The following PPP1R3F variants were observed in gnomAD, a reference collection of about 807,000 sequenced individuals.
PPP1R3F encodes the protein protein phosphatase 1, regulatory (inhibitor) subunit 3F.
A neutral mutation model predicts 24.2 loss-of-function variants in PPP1R3F; 29 were observed. The ratio of observed to expected loss-of-function variants is 1.20; its 90% CI spans 0.89 to 1.63. The LOEUF is 1.63. Among genes scored for constraint, PPP1R3F ranks in the 40% most tolerant of loss-of-function variants. The pLI is 0.00. For synonymous variants in PPP1R3F, 363 were observed against 340.1 expected (o/e 1.07, Z -0.74); for missense variants, 823 against 729.3 (o/e 1.13, Z -1.48).
downstream of PPP1R3F, among the ~76,000 whole-genome samples, chrX:49,291,469 A>G (rs2066308929): frequency 9.2e-6 from 1 of 108,191 alleles, no homozygotes; most frequent in Non-Finnish European, 1.9e-5. Context: ...CTAGGATTAC[A>G]GGCATGCACC....
chrX:49,294,411 G>A (rs982889787), intron 3 of PPP1R3F, among the ~76,000 whole-genome samples: 1 of 108,351 alleles, frequency 9.2e-6, no homozygotes, highest in Non-Finnish European at 1.9e-5. Flanking sequence ...TTGTAGAGAT[G>A]GGGTTTCGCC....
At chrX:49,289,758 T>G (rs1481301934), downstream of PPP1R3F, among the ~76,000 whole-genome samples, 1 of 111,146 alleles carries the variant, frequency 9.0e-6, no homozygotes, top group Non-Finnish European at 1.9e-5. Flanking sequence ...GATGTGCAAT[T>G]TATTCATCAT....
At chrX:49,277,260 C>G (rs782386958) in intron 1 of PPP1R3F, among the ~76,000 whole-genome samples, 2 of 112,792 alleles carry the variant, frequency 1.8e-5, no homozygotes, top group Non-Finnish European at 3.7e-5. Context: ...TCCTCGGGGC[C>G]TATCAGCTTG....
intron 1 of PPP1R3F, among the ~76,000 whole-genome samples, chrX:49,277,244 C>G (rs5953282): frequency 8.9e-6 from 1 of 112,907 alleles, no homozygotes; most frequent in Non-Finnish European, 1.9e-5. Flanking sequence ...TCCTCACCCT[C>G]TGGTCTCCTC....
chrX:49,270,118 C>T lies in PPP1R3F; in HGVS notation c.249C>T (p.Asp83=). The change falls in exon 1 of 4, where the codon GAC becomes GAT. Residue 83 remains aspartate (D), a synonymous_variant. Transcript: ENST00000055335. The part of the protein sequence containing the change: ...GGGGGGADED[D]DGEDGDEGEE... ...GCGGCGGCGGGGCCGACGAGGACGA[C>T]GATGGCGAGGATGGGGATGAAGGGG... is the stretch of plus-strand genomic sequence containing the variant. 2.9e-6 allele frequency: 3 copies of T among 1,041,297 alleles called. No individual in the cohort carries two copies. Among genetic ancestry groups the T allele is most frequent in the Non-Finnish European group, 2.5e-6 (2 of 815,910 alleles). The allele number at this position is 1,041,297 out of a possible 1,213,427, so 85.8% of individuals were successfully genotyped here.
At chrX:49,283,007 T>G (rs782660157) in intron 3 of PPP1R3F, among the ~76,000 whole-genome samples, 31 of 102,172 alleles carry the variant, frequency 3.0e-4, no homozygotes, top group East Asian at 2.8e-3. Flanking sequence ...TTTTGGAGGG[T>G]GTGTGTGTGT....
downstream of PPP1R3F, among the ~76,000 whole-genome samples, chrX:49,291,288 T>TTCTCTCTCTCTC (rs781932322): frequency 0.014 from 687 of 50,586 alleles, 26 homozygotes; most frequent in African/African-American, 0.039. Context: ...CAGCCTACTT[T>TTCTCTCTCTCTC]TCTCTCTCTC....
In PPP1R3F at chrX:49,299,858, C is replaced by T. The variant is rs111604192; in HGVS notation, c.393-1493C>T. Among the ~76,000 whole-genome samples the T allele has an allele frequency of 3.4e-3, 381 of 111,797 alleles. 2 individuals are homozygous for T. The highest frequency in any genetic ancestry group is 0.012 in the African/African-American group (359 of 30,740). Reference sequence around the variant, plus strand: ...GCCTCAGTAATGACAAACGCCCCTCCCCCCACCAAGCTTGAGCATCCCAGG... The same window carrying T: ...GCCTCAGTAATGACAAACGCCCCTCTCCCCACCAAGCTTGAGCATCCCAGG... On this transcript the variant is annotated intron_variant, in intron 3 of 3. Coordinates refer to the PPP1R3F transcript ENST00000471261.
chrX:49,269,953 C>A lies in PPP1R3F; in HGVS notation c.84C>A (p.Val28=). 1 of 905,855 alleles carries A rather than the reference C, an allele frequency of 1.1e-6. No individual in the cohort carries two copies. The highest frequency in any genetic ancestry group is 5.8e-5 in the South Asian group (1 of 17,219). The allele number at this position is 905,855 out of a possible 1,213,427, so 74.7% of individuals were successfully genotyped here. A position where few individuals can be genotyped will look rare whatever the true frequency, so the allele number is the denominator to read the frequency against. The change falls in exon 1 of 4, where the codon GTC becomes GTA. Residue 28 remains valine, a synonymous_variant. Transcript: ENST00000055335. ...CCGCGGGTGAGCCCCGCACCTCGGT[C>A]GAGGCGGCGGTGGCCCCGCGGAGGG... ...SPAAGEPRTS[V]EAAVAPRRVL...
intron 3 of PPP1R3F, among the ~76,000 whole-genome samples, chrX:49,282,359 G>C (rs1557120815): frequency 9.0e-6 from 1 of 110,865 alleles, no homozygotes; most frequent in East Asian, 2.8e-4. Flanking sequence ...GGTGAGACAT[G>C]ATAAAGTAAT....
rs199905805 is a variant in PPP1R3F, at chrX:49,286,761, A to G, written c.2071A>G (p.Lys691Glu). 1.5e-5 allele frequency: 18 copies of G among 1,201,716 alleles called. No individual in the cohort carries two copies. Among genetic ancestry groups the G allele is most frequent in the Non-Finnish European group, 2.0e-5 (18 of 890,425 alleles). ...AGGCAGCTTGGATCCCATATCTGGC[A>G]AGGAGCCAGCCTCTCCCGTCCTTCT... ...WAGSLDPISG[K>E]EPASPVLLQG... The change falls in exon 4 of 4, where the codon AAG becomes GAG. Residue 691 changes from lysine (K) to glutamate (E), a missense_variant. Physicochemically the swap from Lys to Glu is moderately conservative, Grantham distance 56 (BLOSUM62 1). Transcript: ENST00000055335.
chrX:49,290,925 G>T (rs2066306462), downstream of PPP1R3F, among the ~76,000 whole-genome samples: 1 of 111,587 alleles, frequency 9.0e-6, no homozygotes, highest in African/African-American at 3.3e-5. Flanking sequence ...TCACTGTTAT[G>T]CCCCCACCCT....
chrX:49,284,698 A>G (rs782283993), intron 3 of PPP1R3F, among the ~76,000 whole-genome samples: 4 of 109,899 alleles, frequency 3.6e-5, no homozygotes, highest in Non-Finnish European at 7.6e-5. Flanking sequence ...TTTTGCAGAG[A>G]TGGGGTTTCA....
At chrX:49,288,726 C>A (rs1023324849), downstream of PPP1R3F, among the ~76,000 whole-genome samples, 73 of 112,256 alleles carry the variant, frequency 6.5e-4, 1 homozygote, top group African/African-American at 1.9e-3. Flanking sequence ...ATAAATAGAA[C>A]AATTGGTTAC....
chrX:49,290,623 C>T (rs2066305778), downstream of PPP1R3F, among the ~76,000 whole-genome samples: 2 of 111,560 alleles, frequency 1.8e-5, no homozygotes, highest in African/African-American at 6.5e-5. Context: ...TGCCCTCCTC[C>T]TGAGCCCATG....
intron 1 of PPP1R3F, chrX:49,272,933 T>A (rs1557119542): frequency 9.3e-6 from 1 of 107,768 alleles, no homozygotes; most frequent in East Asian, 2.9e-4. Context: ...TTTTTTCTAT[T>A]TTTTTTTTTT....
In PPP1R3F at chrX:49,287,782, G is replaced by T. The variant is rs2066296877; in HGVS notation, c.*692G>T. On this transcript the variant is annotated 3_prime_UTR_variant, in exon 4 of 4. Coordinates refer to ENST00000055335, the MANE Select transcript of PPP1R3F (RefSeq NM_033215.5). ...CAGGGAGGAAGAGTGGCAGCCACAT[G>T]AGGGTTTGGTGTCAGTCACATGGTT... 8.9e-6 allele frequency: 1 copy of T among 111,877 alleles called. No homozygotes were observed. The highest frequency in any genetic ancestry group is 1.9e-5 in the Non-Finnish European group (1 of 53,268). 9.2% of individuals were successfully genotyped at this position (111,877 alleles called of 1,213,427 possible). A position where few individuals can be genotyped will look rare whatever the true frequency, so the allele number is the denominator to read the frequency against.
rs1557121376 is a variant in PPP1R3F, at chrX:49,285,976, C to T, written c.1286C>T (p.Ser429Phe). The T allele has an allele frequency of 8.3e-7, 1 of 1,200,520 alleles. No individual in the cohort carries two copies. Among genetic ancestry groups the T allele is most frequent in the Admixed American group, 2.2e-5 (1 of 45,005 alleles). ...TCCCCTCTCTGTGGCCTGGGTGGCT[C>T]CCCCAGAGACCAGGCCTCAGGGCCC... ...PSSPLCGLGGSPRDQASGPDA... is the reference protein window; with the variant it reads ...PSSPLCGLGGFPRDQASGPDA... Residue 429 changes from serine (S) to phenylalanine (F), a missense_variant, in exon 4 of 4, where the codon TCC (serine) becomes TTC (phenylalanine). Coordinates refer to ENST00000055335, the MANE Select transcript of PPP1R3F (RefSeq NM_033215.5).
At chrX:49,285,049 T>A (rs1557121173) in intron 3 of PPP1R3F, among the ~76,000 whole-genome samples, 1 of 111,591 alleles carries the variant, frequency 9.0e-6, no homozygotes, top group African/African-American at 3.3e-5. Context: ...TTTTTTAAAA[T>A]TTTTTTAATT....
Sources: gnomAD v4.1 joint callset for allele counts (sites outside exome capture counted in the v4.1 genomes callset) on GRCh38, gnomAD v4.1.1 for gene constraint, MANE v1.5 for transcripts, NCBI Gene and HGNC (gene_info 2026-07-23, HGNC 2026-07-21) for gene names.